The following ENTREP2 variants were observed in gnomAD, a reference collection of about 807,000 sequenced individuals.
ENTREP2 encodes the protein endosomal transmembrane epsin interactor 2.
chr15:29,642,509 CAT>C, the ENTREP2 span, among the ~76,000 whole-genome samples: 1 of 133,986 alleles, frequency 7.5e-6, no homozygotes, highest in Non-Finnish European at 1.6e-5. Flanking sequence ...ACATATATAT[CAT>C]ATATACATAT....
the ENTREP2 span, among the ~76,000 whole-genome samples, chr15:29,200,113 G>A: frequency 6.6e-6 from 1 of 152,018 alleles, no homozygotes; most frequent in African/African-American, 2.4e-5. Flanking sequence ...GTGGCTATAA[G>A]TCTGGAAATC....
the ENTREP2 span, chr15:29,122,097 C>T: frequency 6.6e-5 from 10 of 152,248 alleles, no homozygotes; most frequent in South Asian, 2.1e-4. Context: ...TTTTGTTCAC[C>T]GCAGGGCCCA....
At chr15:29,559,729 G>T in the ENTREP2 span, among the ~76,000 whole-genome samples, 1 of 152,128 alleles carries the variant, frequency 6.6e-6, no homozygotes, top group Admixed American at 6.5e-5. Context: ...CCTCTCAGGA[G>T]GACCCCTGTG....
At chr15:29,256,125 G>A in the ENTREP2 span, among the ~76,000 whole-genome samples, 2 of 152,038 alleles carry the variant, frequency 1.3e-5, no homozygotes, top group Non-Finnish European at 2.9e-5. Flanking sequence ...TATAGGGTAG[G>A]AGCTAAACTT....
chr15:29,289,277 G>A, the ENTREP2 span, among the ~76,000 whole-genome samples: 2 of 151,240 alleles, frequency 1.3e-5, no homozygotes, highest in Non-Finnish European at 2.9e-5. Flanking sequence ...TCAAGAAAAA[G>A]AGCATCTAAA....
At chr15:29,463,019 T>C in the ENTREP2 span, among the ~76,000 whole-genome samples, 4 of 152,174 alleles carry the variant, frequency 2.6e-5, no homozygotes, top group African/African-American at 4.8e-5. Context: ...GACAAGAAGA[T>C]GAGGAGGTGC....
chr15:29,295,632 A>G, the ENTREP2 span, among the ~76,000 whole-genome samples: 1 of 152,216 alleles, frequency 6.6e-6, no homozygotes, highest in East Asian at 1.9e-4. Context: ...CAATTATAAC[A>G]ATATGCCAGT....
At chr15:29,279,652 C>T in the ENTREP2 span, among the ~76,000 whole-genome samples, 6 of 152,070 alleles carry the variant, frequency 3.9e-5, no homozygotes, top group African/African-American at 9.7e-5. Flanking sequence ...CATGAGCCAC[C>T]GCGCCTGGCC....
the ENTREP2 span, among the ~76,000 whole-genome samples, chr15:29,318,445 C>T: frequency 1.9e-3 from 296 of 152,186 alleles, 1 homozygote; most frequent in African/African-American, 6.1e-3. Context: ...CTCAGCCTCC[C>T]GAGTAGCTGG....
chr15:29,309,917 G>A, the ENTREP2 span, among the ~76,000 whole-genome samples: 1 of 152,218 alleles, frequency 6.6e-6, no homozygotes, highest in East Asian at 1.9e-4. Flanking sequence ...TGTGTACACT[G>A]ACCTGGGCAT....
At chr15:29,631,446 G>A in the ENTREP2 span, among the ~76,000 whole-genome samples, 1 of 152,184 alleles carries the variant, frequency 6.6e-6, no homozygotes, top group African/African-American at 2.4e-5. Flanking sequence ...CCCTTAGGCT[G>A]CGGGTCCAAT....
At chr15:29,195,776 C>A in the ENTREP2 span, among the ~76,000 whole-genome samples, 1 of 152,164 alleles carries the variant, frequency 6.6e-6, no homozygotes, top group South Asian at 2.1e-4. Context: ...CCGGCTGCCT[C>A]AGCCTCCCAA....
chr15:29,320,129 G>A, the ENTREP2 span, among the ~76,000 whole-genome samples: 8 of 152,150 alleles, frequency 5.3e-5, no homozygotes, highest in African/African-American at 1.9e-4. Flanking sequence ...GGCTAGAAAC[G>A]CTTGTTAAGG....
chr15:29,231,315 T>C, the ENTREP2 span, among the ~76,000 whole-genome samples: 4 of 152,128 alleles, frequency 2.6e-5, no homozygotes, highest in Admixed American at 6.5e-5. Flanking sequence ...ATACTTGACA[T>C]AGTCAAAAGA....
At chr15:29,491,342 G>A in the ENTREP2 span, among the ~76,000 whole-genome samples, 1 of 152,204 alleles carries the variant, frequency 6.6e-6, no homozygotes, top group African/African-American at 2.4e-5. Flanking sequence ...GGGGGCTGAA[G>A]GGCTCCTCAA....
the ENTREP2 span, among the ~76,000 whole-genome samples, chr15:29,203,027 T>C: frequency 6.6e-6 from 1 of 152,136 alleles, no homozygotes; most frequent in Non-Finnish European, 1.5e-5. Flanking sequence ...GGTCAAATGG[T>C]ATTTCTGGTT....
chr15:29,352,086 AACCATAC>A, the ENTREP2 span, among the ~76,000 whole-genome samples: 1 of 152,054 alleles, frequency 6.6e-6, no homozygotes, highest in East Asian at 1.9e-4. Flanking sequence ...AGGTGTGTGC[AACCATAC>A]CGGGCTAATT....
At chr15:29,142,622 G>C in the ENTREP2 span, among the ~76,000 whole-genome samples, 1 of 152,170 alleles carries the variant, frequency 6.6e-6, no homozygotes, top group African/African-American at 2.4e-5. Flanking sequence ...AGCTCCATGG[G>C]CAAACCCACA....
the ENTREP2 span, among the ~76,000 whole-genome samples, chr15:29,127,426 T>C: frequency 6.6e-6 from 1 of 152,166 alleles, no homozygotes; most frequent in African/African-American, 2.4e-5. Flanking sequence ...CATCCCTTTC[T>C]GTTTTTCCCT....
Sources: gnomAD v4.1 joint callset for allele counts (sites outside exome capture counted in the v4.1 genomes callset) on GRCh38, gnomAD v4.1.1 for gene constraint, MANE v1.5 for transcripts, NCBI Gene and HGNC (gene_info 2026-07-23, HGNC 2026-07-21) for gene names.